The following ADAMTS3 variants were observed in gnomAD, a reference collection of about 807,000 sequenced individuals.
ADAMTS3 encodes the protein ADAM metallopeptidase with thrombospondin type 1 motif 3, also known as A disintegrin and metalloproteinase with thrombospondin motifs 3.
A neutral mutation model predicts 129.0 loss-of-function variants in ADAMTS3; 73 were observed. The ratio of observed to expected loss-of-function variants is 0.57; its 90% confidence interval spans 0.47 to 0.69. The LOEUF (loss-of-function observed/expected upper bound fraction) is 0.69, where lower values mean the gene tolerates loss of function less well. ADAMTS3 is among the 30% of genes least tolerant of loss of function. The pLI is 0.00. For missense variants in ADAMTS3, 1,457 were observed against 1,514.5 expected (o/e 0.96, Z 0.63); for synonymous variants, 477 against 510.8 (o/e 0.93, Z 0.89).
Position 72,389,535 on chromosome 4 carries a change from A to C in ADAMTS3, c.661+25280T>G, listed in dbSNP as rs566101801. ...AATTAAAAGATGAAAAAAACAAAAA[A>C]AAAAAATCATACAAACAAGAAACTA... On this transcript the variant is annotated intron_variant, in intron 4 of 21. Coordinates refer to ENST00000286657, the MANE Select transcript of ADAMTS3 (RefSeq NM_014243.3). 8.3e-4 allele frequency among the ~76,000 whole-genome samples: 126 copies of C among 151,418 alleles called. 2 individuals carry two copies. Among genetic ancestry groups the C allele is most frequent in the Admixed American group, 7.1e-3 (109 of 15,282 alleles).
chr4:72,471,207 T>C (rs558573700), intron 3 of ADAMTS3, among the ~76,000 whole-genome samples: 1 of 152,276 alleles, frequency 6.6e-6, no homozygotes, highest in Non-Finnish European at 1.5e-5. Context: ...CAAGCAAAAA[T>C]TAGAAACTTG....
chr4:72,288,888 G>C lies in ADAMTS3; in HGVS notation c.2932-20C>G. On this transcript the variant is annotated intron_variant, in intron 20 of 21. Transcript: ENST00000286657. ...TGAACACTGCAGAGACAAAGGCTGT[G>C]GTTACAGACATTTATTGCACCAAGA... The C allele has an allele frequency of 6.7e-7, 1 of 1,482,630 alleles. No homozygotes were observed. Among genetic ancestry groups the C allele is most frequent in the Non-Finnish European group, 9.4e-7 (1 of 1,068,068 alleles). The allele number at this position is 1,482,630 out of a possible 1,614,324, so 91.8% of individuals were successfully genotyped here.
chr4:72,319,363 A>C lies in ADAMTS3; in HGVS notation c.1321T>G (p.Cys441Gly). Reference sequence around the variant, plus strand: ...TATCTTTTCAGTTCTTGACCACTGCATCGGGACCAGTGGTAACGATGGAAT... The same window carrying C: ...TATCTTTTCAGTTCTTGACCACTGCCTCGGGACCAGTGGTAACGATGGAAT... Reference protein sequence around the residue: ...AAFHRYHWSRCSGQELKRYIH... With the variant: ...AAFHRYHWSRGSGQELKRYIH... Residue 441 changes from cysteine (C) to glycine (G), a missense_variant, in exon 9 of 22, where the codon TGC (cysteine) becomes GGC (glycine). By Grantham distance (159) the Cys-to-Gly change is radical. Coordinates refer to ENST00000286657, the MANE Select transcript of ADAMTS3 (RefSeq NM_014243.3). 1 of 1,613,982 alleles carries C rather than the reference A, an allele frequency of 6.2e-7. No individual in the cohort carries two copies. The highest frequency in any genetic ancestry group is 8.5e-7 in the Non-Finnish European group (1 of 1,179,948).
At chr4:72,482,820 T>C (rs1719474655) in intron 3 of ADAMTS3, among the ~76,000 whole-genome samples, 1 of 152,204 alleles carries the variant, frequency 6.6e-6, no homozygotes. Flanking sequence ...ATTCCACTGC[T>C]GTGGGGACCA....
intron 3 of ADAMTS3, among the ~76,000 whole-genome samples, chr4:72,447,338 C>T (rs17781109): frequency 0.22 from 33,106 of 151,694 alleles, 4,200 homozygotes; most frequent in Non-Finnish European, 0.29. Flanking sequence ...TACCTCCTCT[C>T]TTCCAAATCT....
At chr4:72,381,872 A>C (rs1721298434) in intron 4 of ADAMTS3, among the ~76,000 whole-genome samples, 1 of 152,214 alleles carries the variant, frequency 6.6e-6, no homozygotes, top group South Asian at 2.1e-4. Context: ...ATAACCAGGA[A>C]GTTTGAAAGA....
intron 4 of ADAMTS3, among the ~76,000 whole-genome samples, chr4:72,395,494 T>C (rs1721704256): frequency 6.6e-6 from 1 of 152,088 alleles, no homozygotes; most frequent in African/African-American, 2.4e-5. Context: ...ATAAAATAGA[T>C]AAACTATGGA....
At chr4:72,286,956 G>T (rs1001351113) in intron 21 of ADAMTS3, among the ~76,000 whole-genome samples, 2 of 152,066 alleles carry the variant, frequency 1.3e-5, no homozygotes, top group Non-Finnish European at 2.9e-5. Flanking sequence ...AGAAAAAGAG[G>T]CTGGAAGGAG....
chr4:72,363,455 T>A (rs1366585135), intron 4 of ADAMTS3, among the ~76,000 whole-genome samples: 1 of 152,086 alleles, frequency 6.6e-6, no homozygotes, highest in Non-Finnish European at 1.5e-5. Flanking sequence ...AAAAAGGCCA[T>A]CCTCCCTGAA....
intron 4 of ADAMTS3, among the ~76,000 whole-genome samples, chr4:72,384,594 G>T (rs987777713): frequency 6.6e-6 from 1 of 152,040 alleles, no homozygotes; most frequent in Non-Finnish European, 1.5e-5. Context: ...TTTCAAAAAG[G>T]TAGATCACAT....
chr4:72,312,591 A>G (rs1314945195), intron 12 of ADAMTS3, 125 bp from the exon 13 acceptor site: 17 of 794,662 alleles, frequency 2.1e-5, no homozygotes, highest in Admixed American at 1.4e-4. Context: ...GAATGAACTC[A>G]TACTTCCTAA....
chr4:72,515,196 T>C (rs1720432265), intron 3 of ADAMTS3, among the ~76,000 whole-genome samples: 1 of 152,210 alleles, frequency 6.6e-6, no homozygotes, highest in Middle Eastern at 3.2e-3. Context: ...TAGCATTCCA[T>C]GGTGTATATG....
At chr4:72,488,522 C>T (rs1451687877) in intron 3 of ADAMTS3, among the ~76,000 whole-genome samples, 1 of 151,884 alleles carries the variant, frequency 6.6e-6, no homozygotes, top group Non-Finnish European at 1.5e-5. Flanking sequence ...CTCATCACTT[C>T]CACCACTTCT....
intron 2 of ADAMTS3, among the ~76,000 whole-genome samples, chr4:72,564,822 G>T (rs931689205): frequency 1.3e-5 from 2 of 152,130 alleles, no homozygotes; most frequent in African/African-American, 4.8e-5. Context: ...AAGCATATAA[G>T]ATATATTTTT....
At chr4:72,565,375 T>A (rs1241552497) in intron 2 of ADAMTS3, among the ~76,000 whole-genome samples, 8 of 151,940 alleles carry the variant, frequency 5.3e-5, no homozygotes, top group Non-Finnish European at 8.8e-5. Context: ...AGAAAAAAAA[T>A]AAATAACGTG....
chr4:72,451,236 T>C (rs529983592), intron 3 of ADAMTS3, among the ~76,000 whole-genome samples: 5 of 151,830 alleles, frequency 3.3e-5, no homozygotes, highest in African/African-American at 1.2e-4. Flanking sequence ...GAATCTTAGA[T>C]TCCTGAAGGT....
intron 4 of ADAMTS3, among the ~76,000 whole-genome samples, chr4:72,391,201 C>T (rs1335516652): frequency 6.6e-5 from 10 of 152,124 alleles, no homozygotes; most frequent in African/African-American, 2.4e-4. Flanking sequence ...GGAAGAAAAT[C>T]CATCTTTTTG....
At chr4:72,406,525 C>T (rs1722057528) in intron 4 of ADAMTS3, among the ~76,000 whole-genome samples, 2 of 152,104 alleles carry the variant, frequency 1.3e-5, no homozygotes, top group East Asian at 3.9e-4. Flanking sequence ...CTTCGCTTCC[C>T]ATTTACTTAA....
At chr4:72,287,477 G>T (rs555117647) in intron 21 of ADAMTS3, among the ~76,000 whole-genome samples, 2 of 150,678 alleles carry the variant, frequency 1.3e-5, no homozygotes, top group Non-Finnish European at 3.0e-5. Context: ...GGGAGAGAAA[G>T]GGAGACAGAC....
Sources: allele counts gnomAD v4.1 joint callset (sites outside exome capture counted in the v4.1 genomes callset), GRCh38; gene constraint gnomAD v4.1.1; transcripts MANE v1.5; gene names NCBI Gene and HGNC (gene_info 2026-07-23, HGNC 2026-07-21).